Variants in KLRG1 observed in about 807,000 individuals in gnomAD.
KLRG1 encodes killer cell lectin-like receptor subfamily G member 1.
Under a neutral mutation model 21.8 loss-of-function variants are expected in KLRG1, and 16 were observed. The ratio of observed to expected loss-of-function variants is 0.73; its 90% CI spans 0.50 to 1.11. The LOEUF (loss-of-function observed/expected upper bound fraction) is 1.11. KLRG1 is among the 50% of genes most tolerant of loss of function. The probability of loss-of-function intolerance (pLI) is 0.00; values close to 1 mark genes in which losing one functional copy is unlikely to be tolerated. For missense variants in KLRG1, 173 were observed against 218.3 expected, an observed-to-expected ratio of 0.79 and a Z score of 1.31; for synonymous variants, 69 against 75.9, an observed-to-expected ratio of 0.91 and a Z score of 0.47.
the KLRG1 span, among the ~76,000 whole-genome samples, chr12:9,144,373 C>A: frequency 6.6e-6 from 1 of 151,994 alleles, no homozygotes; most frequent in Non-Finnish European, 1.5e-5. Context: ...TCATGTAAAT[C>A]ACTTGAAAAG....
the KLRG1 span, among the ~76,000 whole-genome samples, chr12:9,170,299 T>C: frequency 6.6e-6 from 1 of 152,170 alleles, no homozygotes; most frequent in African/African-American, 2.4e-5. This position sits in a 1 kb window ranked among gnomAD's most constrained non-coding sequence, Gnocchi z 4.6. Context: ...GGAGATACCC[T>C]TGTGAGCCCA....
chr12:9,121,038 G>A, the KLRG1 span, among the ~76,000 whole-genome samples: 16 of 151,792 alleles, frequency 1.1e-4, no homozygotes, highest in Admixed American at 3.9e-4. This position sits in a 1 kb window ranked among gnomAD's most constrained non-coding sequence, Gnocchi z 4.4. Context: ...ACTCCACCAC[G>A]CCCCGCTAAT....
the KLRG1 span, among the ~76,000 whole-genome samples, chr12:9,111,181 CTTTA>C: frequency 1.3e-5 from 2 of 152,170 alleles, no homozygotes; most frequent in Non-Finnish European, 2.9e-5. Flanking sequence ...AAAAACTAAT[CTTTA>C]TTAAGTACCT....
chr12:9,077,783 T>C, the KLRG1 span: 2 of 1,614,128 alleles, frequency 1.2e-6, no homozygotes, highest in Non-Finnish European at 8.5e-7. Context: ...TATGAGGGCT[T>C]GGGTAATGTG....
the KLRG1 span, chr12:9,152,981 C>T: frequency 9.3e-6 from 15 of 1,613,636 alleles, no homozygotes; most frequent in Admixed American, 2.3e-4. Context: ...CTATCAGTTT[C>T]TCTCTTTTTC....
At chr12:9,140,520 G>A in the KLRG1 span, among the ~76,000 whole-genome samples, 2 of 152,302 alleles carry the variant, frequency 1.3e-5, no homozygotes, top group African/African-American at 4.8e-5. Flanking sequence ...GGTAGGAATG[G>A]TTTGCATTAT....
chr12:9,108,807 C>T, the KLRG1 span, among the ~76,000 whole-genome samples: 1 of 152,292 alleles, frequency 6.6e-6, no homozygotes, highest in East Asian at 1.9e-4. Context: ...GGTATGTAGA[C>T]CCGCCTTAGG....
chr12:9,191,297 G>A, the KLRG1 span, among the ~76,000 whole-genome samples: 20 of 152,114 alleles, frequency 1.3e-4, no homozygotes, highest in African/African-American at 4.6e-4. Flanking sequence ...AAAAATTGAA[G>A]AACAATGTAC....
At chr12:8,989,311 T>C (rs1227836075), upstream of KLRG1, among the ~76,000 whole-genome samples, 1 of 152,200 alleles carries the variant, frequency 6.6e-6, no homozygotes, top group East Asian at 1.9e-4. Context: ...GTAACCACTC[T>C]CACTTTTATT....
chr12:8,972,545 C>T (rs946275610), intron 1 of KLRG1, among the ~76,000 whole-genome samples: 21 of 152,312 alleles, frequency 1.4e-4, no homozygotes, highest in Non-Finnish European at 2.2e-4. Flanking sequence ...CTGGTTTTCC[C>T]AACACCATTT....
chr12:9,200,313 C>G, the KLRG1 span: 1 of 1,366,906 alleles, frequency 7.3e-7, no homozygotes, highest in Non-Finnish European at 1.0e-6. Flanking sequence ...TACATAATCC[C>G]TCAAAATTGA....
At chr12:9,139,532 GT>G in the KLRG1 span, among the ~76,000 whole-genome samples, 1 of 152,104 alleles carries the variant, frequency 6.6e-6, no homozygotes, top group African/African-American at 2.4e-5. Flanking sequence ...TAGTATTGAA[GT>G]TTCCTACTAT....
the KLRG1 span, chr12:9,158,629 GCT>G: frequency 1.3e-6 from 2 of 1,576,468 alleles, no homozygotes; most frequent in Non-Finnish European, 1.7e-6. Context: ...GCACTTTACT[GCT>G]CTGTTTTGTA....
the KLRG1 span, chr12:9,090,164 A>G: frequency 7.3e-7 from 1 of 1,370,746 alleles, no homozygotes. Flanking sequence ...TGCAAATGAG[A>G]GGTGAATGAT....
chr12:9,062,752 ATTG>A, the KLRG1 span, among the ~76,000 whole-genome samples: 2 of 148,024 alleles, frequency 1.4e-5, no homozygotes, highest in African/African-American at 4.9e-5. Context: ...TTTATAATAT[ATTG>A]TTATATGTTA....
At chr12:9,112,741 A>G in the KLRG1 span, 244 of 567,020 alleles carry the variant, frequency 4.3e-4, no homozygotes, top group African/African-American at 3.9e-3. Context: ...AAAATAAATC[A>G]GTAAGAGAGG....
chr12:9,160,625 C>A, the KLRG1 span: 1 of 814,460 alleles, frequency 1.2e-6, no homozygotes, highest in African/African-American at 1.7e-5. Flanking sequence ...GTGTGACTTC[C>A]AGAATCCTAA....
chr12:9,152,322 A>G, the KLRG1 span: 1 of 1,597,344 alleles, frequency 6.3e-7, no homozygotes, highest in Non-Finnish European at 8.6e-7. Flanking sequence ...TGTAGTGTCA[A>G]AGGAAAAAGA....
the KLRG1 span, among the ~76,000 whole-genome samples, chr12:9,146,080 G>A: frequency 6.6e-6 from 1 of 152,080 alleles, no homozygotes; most frequent in African/African-American, 2.4e-5. Context: ...AGGTTGAGAA[G>A]GTTTTAGTCA....
Sources: gnomAD v4.1 joint callset for allele counts (sites outside exome capture counted in the v4.1 genomes callset) on GRCh38, gnomAD v4.1.1 for gene constraint, Gnocchi (gnomAD v3.1) non-coding constraint, MANE v1.5 for transcripts, NCBI Gene and HGNC (gene_info 2026-07-23, HGNC 2026-07-21) for gene names.